ELAVL4: variants seen among roughly 807,000 people sequenced by gnomAD.
The protein encoded by ELAVL4 is ELAV like RNA binding protein 4, also known as ELAV-like protein 4.
ELAVL4 carries 1 observed loss-of-function variant against 35.6 expected under a neutral mutation model. The ratio of observed to expected loss-of-function variants is 0.03; its 90% CI spans 0.01 to 0.13. The LOEUF (loss-of-function observed/expected upper bound fraction) is 0.13. Among genes scored for constraint, ELAVL4 ranks in the 10% least tolerant of loss-of-function variants. ELAVL4 has a pLI of 1.00. For missense variants in ELAVL4, 267 were observed against 464.9 expected (o/e 0.57, Z 3.91); for synonymous variants, 156 against 171.0 (o/e 0.91, Z 0.69).
chr1:50,145,618 G>A (rs955479409), intron 2 of ELAVL4, among the ~76,000 whole-genome samples: 1 of 152,162 alleles, frequency 6.6e-6, no homozygotes, highest in African/African-American at 2.4e-5. Context: ...TTTAAAGGGG[G>A]CCACTGTGGA....
At chr1:50,187,260 A>G (rs533856023) in intron 3 of ELAVL4, among the ~76,000 whole-genome samples, 221 of 152,164 alleles carry the variant, frequency 1.5e-3, no homozygotes, top group African/African-American at 5.2e-3. Context: ...CATGTCAGGG[A>G]CTGTTGTATT....
At chr1:50,077,444 T>G (rs1046821607) in intron 1 of ELAVL4, among the ~76,000 whole-genome samples, 4 of 152,192 alleles carry the variant, frequency 2.6e-5, no homozygotes, top group Admixed American at 2.0e-4. Context: ...TTGGCCATTT[T>G]GTTCTATTCA....
At chr1:50,119,088 G>GAA (rs1214158621) in intron 1 of ELAVL4, among the ~76,000 whole-genome samples, 20 of 129,172 alleles carry the variant, frequency 1.5e-4, no homozygotes, top group African/African-American at 3.3e-4. Flanking sequence ...AAGAAAGAAA[G>GAA]AAAGAAAAAG....
At chr1:50,195,183 C>T (rs1268498111) in intron 4 of ELAVL4, among the ~76,000 whole-genome samples, 1 of 152,164 alleles carries the variant, frequency 6.6e-6, no homozygotes, top group Non-Finnish European at 1.5e-5. Context: ...ATCATGTGGT[C>T]AGAGTTCACT....
chr1:50,197,698 T>C, intron 6 of ELAVL4: 1 of 437,096 alleles, frequency 2.3e-6, no homozygotes, highest in South Asian at 5.0e-5. Flanking sequence ...CAGGTGGGCT[T>C]CTCCTATGGT....
At chr1:50,100,083 G>A (rs752085129), upstream of ELAVL4, among the ~76,000 whole-genome samples, 11 of 152,278 alleles carry the variant, frequency 7.2e-5, no homozygotes, top group African/African-American at 1.4e-4. Flanking sequence ...TTGGGCATAC[G>A]TAAGCATGAA....
intron 1 of ELAVL4, among the ~76,000 whole-genome samples, chr1:50,053,522 C>CG (rs1298702727): frequency 1.3e-3 from 201 of 152,134 alleles, no homozygotes; most frequent in African/African-American, 4.6e-3. Flanking sequence ...CTAATTTTTG[C>CG]ATTTTTTTGT....
At chr1:50,100,021 A>T (rs1203209396), upstream of ELAVL4, among the ~76,000 whole-genome samples, 2 of 152,226 alleles carry the variant, frequency 1.3e-5, no homozygotes. Context: ...CTTTAGATTC[A>T]CACTTTTCTG....
intron 1 of ELAVL4, among the ~76,000 whole-genome samples, chr1:50,123,300 T>A (rs1669333786): frequency 6.6e-6 from 1 of 152,008 alleles, no homozygotes; most frequent in African/African-American, 2.4e-5. Context: ...ATTTACCAAG[T>A]GGCTCAGGGT....
At position 50,123,768 on chromosome 1, in the gene ELAVL4, C is replaced by T. The variant is rs193302230; in HGVS notation, c.9+14570C>T. Among the ~76,000 whole-genome samples the T allele has an allele frequency of 3.3e-3, 504 of 152,156 alleles. 8 individuals carry two copies. Among genetic ancestry groups the T allele is most frequent in the Non-Finnish European group, 2.6e-3 (178 of 67,970 alleles). ...TTCCCTACTGTTGCTCACACAGATC[C>T]CTCGGTCTCCAACATCTTTCTGCTT... On this transcript the variant is annotated intron_variant, in intron 1 of 6. Coordinates refer to ENST00000371824, the MANE Select transcript of ELAVL4 (RefSeq NM_001144774.3).
At chr1:50,069,991 C>A (rs1025404360) in intron 1 of ELAVL4, among the ~76,000 whole-genome samples, 1 of 152,118 alleles carries the variant, frequency 6.6e-6, no homozygotes, top group Admixed American at 6.5e-5. Context: ...CTATAAAATT[C>A]TGTGGTTTCT....
At position 50,138,693 on chromosome 1, in the gene ELAVL4, T is replaced by C. The variant is rs1191953350; in HGVS notation, c.10-6264T>C. Among the ~76,000 whole-genome samples, 4 of 152,106 alleles carry C rather than the reference T, an allele frequency of 2.6e-5. No homozygotes were observed. The East Asian group carries it at 7.7e-4, about 29-fold the overall frequency. On this transcript the variant is annotated intron_variant, in intron 1 of 6. Coordinates refer to ENST00000371824, the MANE Select transcript of ELAVL4 (RefSeq NM_001144774.3). ...GTTGGCCAGGTTGGTCTCAAACTCCTGATCTCAGGTGATCCTCCCACCTTG... is the reference window on the plus strand; with the variant it reads ...GTTGGCCAGGTTGGTCTCAAACTCCCGATCTCAGGTGATCCTCCCACCTTG...
chr1:50,148,478 A>T (rs1014416109), intron 2 of ELAVL4, among the ~76,000 whole-genome samples: 3 of 152,214 alleles, frequency 2.0e-5, no homozygotes, highest in African/African-American at 7.2e-5. Context: ...ATTTACTGAA[A>T]ATGCCAGTTT....
chr1:50,069,153 T>C (rs529123337), intron 1 of ELAVL4, among the ~76,000 whole-genome samples: 1 of 152,322 alleles, frequency 6.6e-6, no homozygotes, highest in South Asian at 2.1e-4. Context: ...CATATTTTAA[T>C]TTCTGTAACA....
At chr1:50,060,003 T>C (rs1453042563) in intron 1 of ELAVL4, among the ~76,000 whole-genome samples, 1 of 152,208 alleles carries the variant, frequency 6.6e-6, no homozygotes. Flanking sequence ...TGGAAGTGTT[T>C]TGGAACTTGA....
chr1:50,138,462 G>A (rs1006177766), intron 1 of ELAVL4, among the ~76,000 whole-genome samples: 35 of 138,418 alleles, frequency 2.5e-4, no homozygotes, highest in Non-Finnish European at 3.3e-4. Context: ...GCTTGAATGA[G>A]TGCTTTTTTT....
intron 1 of ELAVL4, among the ~76,000 whole-genome samples, chr1:50,136,008 T>G (rs1671817948): frequency 1.3e-5 from 2 of 152,066 alleles, no homozygotes; most frequent in Non-Finnish European, 2.9e-5. Flanking sequence ...CACAGTTGAA[T>G]CATAACCAGG....
At chr1:50,195,500 C>T in intron 4 of ELAVL4, 61 bp from the exon 5 acceptor site, 1 of 1,578,370 alleles carries the variant, frequency 6.3e-7, no homozygotes, top group African/African-American at 1.3e-5. Context: ...CCATCTCTTC[C>T]CAAAGATGTT....
chr1:50,132,878 A>C (rs1433888942), intron 1 of ELAVL4, among the ~76,000 whole-genome samples: 2 of 152,198 alleles, frequency 1.3e-5, no homozygotes, highest in African/African-American at 4.8e-5. Context: ...AAAGTGTAAC[A>C]ATCACCTGTA....
Sources: gnomAD v4.1 joint callset for allele counts (sites outside exome capture counted in the v4.1 genomes callset) on GRCh38, gnomAD v4.1.1 for gene constraint, MANE v1.5 for transcripts, NCBI Gene and HGNC (gene_info 2026-07-23, HGNC 2026-07-21) for gene names.